Variants in GSE1 observed in about 807,000 individuals in gnomAD.
GSE1 encodes the protein genetic suppressor element 1.
In GSE1, 32 loss-of-function variants were observed where a neutral mutation model predicts 112.6. The observed-to-expected ratio is 0.28, with a 90% confidence interval of 0.21 to 0.38. The LOEUF (loss-of-function observed/expected upper bound fraction) is 0.38, where lower values mean the gene tolerates loss of function less well. GSE1 is among the 10% of genes least tolerant of loss of function. The pLI, the probability that GSE1 is intolerant of heterozygous loss-of-function variation, is 1.00. For missense variants in GSE1, 2,348 were observed against 1,699.2 expected (o/e 1.38, Z -6.71); for synonymous variants, 1,115 against 735.6 (o/e 1.52, Z -8.35).
Position 85,674,727 on chromosome 16 carries a change from T to C in GSE1, c.*2188T>C, listed in dbSNP as rs1423169659. ...GGGGCACTCCCTTGGTTGGATTTTC[T>C]ATGACAGCACAGGGGACAGGTGGCA... On this transcript the variant is annotated 3_prime_UTR_variant, in exon 16 of 16. Coordinates refer to ENST00000253458, the MANE Select transcript of GSE1 (RefSeq NM_014615.5). 6 of 152,294 alleles carry C rather than the reference T, an allele frequency of 3.9e-5. No individual in the cohort carries two copies. Among genetic ancestry groups the C allele is most frequent in the African/African-American group, 1.4e-4 (6 of 41,442 alleles). The allele number at this position is 152,294 out of a possible 1,614,324, so 9.4% of individuals were successfully genotyped here.
At chr16:85,305,384 A>G (rs1199916571) in intron 1 of GSE1, among the ~76,000 whole-genome samples, 1 of 152,190 alleles carries the variant, frequency 6.6e-6, no homozygotes, top group Non-Finnish European at 1.5e-5. Context: ...TCCTGGGCCC[A>G]AGTGATCCCC....
chr16:85,316,186 TCA>T (rs1218798262), intron 1 of GSE1, among the ~76,000 whole-genome samples: 1 of 152,264 alleles, frequency 6.6e-6, no homozygotes, highest in Non-Finnish European at 1.5e-5. Context: ...TATTCCATTT[TCA>T]GTTTCCTACT....
At chr16:85,530,195 T>C (rs1369468860) in intron 2 of GSE1, among the ~76,000 whole-genome samples, 3 of 152,232 alleles carry the variant, frequency 2.0e-5, no homozygotes, top group Non-Finnish European at 4.4e-5. Flanking sequence ...CTGAAGCCTG[T>C]GGAACCATTT....
intron 1 of GSE1, among the ~76,000 whole-genome samples, chr16:85,342,698 C>G (rs769318634): frequency 9.2e-5 from 14 of 152,146 alleles, no homozygotes; most frequent in East Asian, 1.9e-4. Context: ...ATCTCTGAGC[C>G]ACATCTAAAC....
intron 1 of GSE1, among the ~76,000 whole-genome samples, chr16:85,303,427 C>A (rs1440333376): frequency 2.0e-5 from 3 of 152,226 alleles, no homozygotes; most frequent in Admixed American, 6.5e-5. Flanking sequence ...TGCCGCGCAT[C>A]CCCTCCTCCT....
rs111074846 is a variant in GSE1, at chr16:85,346,430, G to A, written c.2284-11033G>A. Among the ~76,000 whole-genome samples, 7 of 145,338 alleles carry A rather than the reference G, an allele frequency of 4.8e-5. No individual in the cohort carries two copies. In the East Asian group the frequency reaches 6.6e-4, roughly 14 times the overall value. On this transcript the variant is annotated intron_variant, in intron 1 of 2. Coordinates refer to the GSE1 transcript ENST00000637419. The stretch of plus-strand genomic sequence containing the variant: ...GGGCGGGTGGATGGGTGATGGACAG[G>A]TGGATGGTGGATGAGTGGATGGATG...
chr16:85,411,746 G>A (rs867873550), intron 2 of GSE1, among the ~76,000 whole-genome samples: 113 of 25,866 alleles, frequency 4.4e-3, no homozygotes, highest in Non-Finnish European at 6.6e-3. Flanking sequence ...AGGGCCCCCC[G>A]GATAATCCTC....
chr16:85,606,198 C>T (rs571708390), intron 1 of GSE1, among the ~76,000 whole-genome samples: 58 of 152,308 alleles, frequency 3.8e-4, no homozygotes, highest in Non-Finnish European at 5.9e-4. Context: ...TCAGACCACT[C>T]CGGAACACAT....
intron 13 of GSE1, 21 bp from the exon 14 acceptor site, chr16:85,668,119 C>G (rs778211586): frequency 9.1e-6 from 14 of 1,538,384 alleles, no homozygotes; most frequent in South Asian, 2.5e-5. Flanking sequence ...CACACTGATG[C>G]AAGCCCTGTC....
chr16:85,191,757 C>G (rs1428278270), intron 1 of GSE1, among the ~76,000 whole-genome samples: 1 of 152,172 alleles, frequency 6.6e-6, no homozygotes, highest in Non-Finnish European at 1.5e-5. Flanking sequence ...AGAGTAAACG[C>G]CCCGGGTGAG....
chr16:85,333,025 C>T (rs2046408150), intron 1 of GSE1, among the ~76,000 whole-genome samples: 1 of 152,084 alleles, frequency 6.6e-6, no homozygotes, highest in African/African-American at 2.4e-5. Flanking sequence ...CACCAGGGAC[C>T]ACTTCTCCAC....
chr16:85,657,745 G>A (rs1332120829), intron 8 of GSE1, 141 bp downstream of exon 8: 15 of 608,342 alleles, frequency 2.5e-5, no homozygotes, highest in East Asian at 2.2e-4. Flanking sequence ...TCATCTTCAC[G>A]TTATAATGCC....
At chr16:85,265,292 A>G (rs1908121732) in intron 1 of GSE1, among the ~76,000 whole-genome samples, 1 of 152,202 alleles carries the variant, frequency 6.6e-6, no homozygotes, top group African/African-American at 2.4e-5. Flanking sequence ...CCTGCCTGCA[A>G]GCCAGTTTCA....
intron 2 of GSE1, among the ~76,000 whole-genome samples, chr16:85,444,682 G>A (rs1482516939): frequency 6.6e-6 from 1 of 152,044 alleles, no homozygotes; most frequent in Non-Finnish European, 1.5e-5. Context: ...ACATGCACAC[G>A]TGCACACACG....
chr16:85,555,470 G>A (rs1038475837), upstream of GSE1: 5 of 984,896 alleles, frequency 5.1e-6, no homozygotes, highest in African/African-American at 8.7e-5. Flanking sequence ...CCGGAGACTT[G>A]TTTGCAATCG....
chr16:85,645,298 G>A lies in GSE1; in HGVS notation c.227-3254G>A, dbSNP rs539512372. Among the ~76,000 whole-genome samples, 137 of 152,202 alleles carry A rather than the reference G, an allele frequency of 9.0e-4. 2 individuals are homozygous for A. The highest frequency in any genetic ancestry group is 3.4e-3 in the Middle Eastern group (1 of 294). On this transcript the variant is annotated intron_variant, in intron 2 of 15. Coordinates refer to ENST00000253458, the MANE Select transcript of GSE1 (RefSeq NM_014615.5). ...GGGAGCGTGATGAGGTGGGGGCCTT[G>A]CCTTGGGCAGTTCGGGGGTTGCTGG...
At chr16:85,241,212 T>A (rs1463806517) in intron 1 of GSE1, among the ~76,000 whole-genome samples, 1 of 152,184 alleles carries the variant, frequency 6.6e-6, no homozygotes, top group African/African-American at 2.4e-5. Context: ...GGCTCGTTGC[T>A]TCTCCTCCCA....
intron 1 of GSE1, among the ~76,000 whole-genome samples, chr16:85,232,429 A>T (rs1306038504): frequency 6.6e-6 from 1 of 152,154 alleles, no homozygotes; most frequent in African/African-American, 2.4e-5. Context: ...AGATGGGTGG[A>T]TGGACAGGGG....
chr16:85,198,379 C>A (rs1249945226), intron 1 of GSE1, among the ~76,000 whole-genome samples: 3 of 152,194 alleles, frequency 2.0e-5, no homozygotes, highest in Non-Finnish European at 4.4e-5. Context: ...TTTCTAGGCC[C>A]CAGCTGTGGG....
Sources: gnomAD v4.1 joint callset for allele counts (sites outside exome capture counted in the v4.1 genomes callset) on GRCh38, gnomAD v4.1.1 for gene constraint, MANE v1.5 for transcripts, NCBI Gene and HGNC (gene_info 2026-07-23, HGNC 2026-07-21) for gene names.